PPFIA2: variants seen among roughly 807,000 people sequenced by gnomAD.
The protein encoded by PPFIA2 is liprin-alpha-2.
A neutral mutation model predicts 175.5 loss-of-function variants in PPFIA2; 46 were observed. The ratio of observed to expected loss-of-function variants is 0.26; its 90% CI spans 0.21 to 0.34. PPFIA2 has a LOEUF of 0.34. Among genes scored for constraint, PPFIA2 ranks in the 10% least tolerant of loss-of-function variants. PPFIA2 has a pLI of 1.00. For synonymous variants in PPFIA2, 568 were observed against 511.4 expected (o/e 1.11, Z -1.49); for missense variants, 1,179 against 1,506.1 (o/e 0.78, Z 3.60).
intron 7 of PPFIA2, among the ~76,000 whole-genome samples, chr12:81,437,791 A>G (rs1169731041): frequency 6.6e-6 from 1 of 152,128 alleles, no homozygotes; most frequent in Non-Finnish European, 1.5e-5. Flanking sequence ...TTTTTCTGAT[A>G]GTTCCAGGAA....
intron 4 of PPFIA2, among the ~76,000 whole-genome samples, chr12:81,530,648 T>G (rs1171165586): frequency 6.6e-6 from 1 of 151,662 alleles, no homozygotes; most frequent in African/African-American, 2.4e-5. Flanking sequence ...AATCTCTAGT[T>G]GAAAAGTCAG....
intron 24 of PPFIA2, among the ~76,000 whole-genome samples, chr12:81,291,727 TG>T (rs1480742221): frequency 6.6e-6 from 1 of 151,982 alleles, no homozygotes; most frequent in Non-Finnish European, 1.5e-5. Flanking sequence ...ACCCAGGCTT[TG>T]GGGGCTCAGC....
intron 24 of PPFIA2, chr12:81,292,748 G>A (rs2045385618): frequency 6.6e-6 from 1 of 151,948 alleles, no homozygotes; most frequent in Non-Finnish European, 1.5e-5. Context: ...TGTGTGGGGG[G>A]TCAGCACCCT....
intron 4 of PPFIA2, 30 bp downstream of exon 4, chr12:81,676,761 T>C (rs144542042): frequency 1.3e-6 from 2 of 1,493,596 alleles, no homozygotes; most frequent in Non-Finnish European, 1.8e-6. Context: ...AATTCATCAA[T>C]AGTTAAATTT....
chr12:81,292,281 TTAAA>T (rs1249518985), intron 24 of PPFIA2: 23 of 152,088 alleles, frequency 1.5e-4, no homozygotes, highest in Non-Finnish European at 8.8e-5. Flanking sequence ...TTCATCAGAC[TTAAA>T]TTAAATTTAC....
At chr12:81,714,890 A>G (rs912455199) in intron 3 of PPFIA2, among the ~76,000 whole-genome samples, 3 of 151,150 alleles carry the variant, frequency 2.0e-5, no homozygotes, top group African/African-American at 7.2e-5. Flanking sequence ...ATGAGGACAT[A>G]TATGTTAATG....
intron 3 of PPFIA2, among the ~76,000 whole-genome samples, chr12:81,698,048 G>A (rs972032114): frequency 1.3e-5 from 2 of 152,020 alleles, no homozygotes; most frequent in Non-Finnish European, 2.9e-5. Flanking sequence ...ATGTCACCAT[G>A]GATATAAGTA....
At chr12:81,266,312 TAC>T (rs761354029) in intron 30 of PPFIA2, among the ~76,000 whole-genome samples, 32 of 152,190 alleles carry the variant, frequency 2.1e-4, no homozygotes, top group Non-Finnish European at 1.3e-4. Context: ...TTAAAATGTC[TAC>T]AGTCCACAGC....
chr12:81,449,241 G>A (rs1018758475), intron 5 of PPFIA2, among the ~76,000 whole-genome samples: 4 of 152,126 alleles, frequency 2.6e-5, no homozygotes, highest in Non-Finnish European at 5.9e-5. Context: ...ACGGCCCAGT[G>A]GCAAGCTGCA....
intron 4 of PPFIA2, among the ~76,000 whole-genome samples, chr12:81,619,343 T>C (rs147501131): frequency 6.6e-6 from 1 of 152,202 alleles, no homozygotes; most frequent in Non-Finnish European, 1.5e-5. Context: ...CAAGTTGTCA[T>C]ACAACCCAGC....
chr12:81,386,320 T>TAAATAAGAA (rs1555340058), intron 8 of PPFIA2, among the ~76,000 whole-genome samples: 1 of 131,250 alleles, frequency 7.6e-6, no homozygotes, highest in African/African-American at 2.9e-5. Context: ...AATAAATAAA[T>TAAATAAGAA]AAGAAAAGAA....
chr12:81,463,619 A>T (rs1411318978), intron 4 of PPFIA2, among the ~76,000 whole-genome samples: 1 of 152,116 alleles, frequency 6.6e-6, no homozygotes, highest in African/African-American at 2.4e-5. Flanking sequence ...CCTCAGGCAC[A>T]TCACAAACAC....
At chr12:81,573,690 C>A (rs1465550282) in intron 4 of PPFIA2, among the ~76,000 whole-genome samples, 1 of 151,812 alleles carries the variant, frequency 6.6e-6, no homozygotes, top group African/African-American at 2.4e-5. Flanking sequence ...ATGTATACTC[C>A]CCCAAAGAGA....
intron 4 of PPFIA2, chr12:81,545,486 T>C (rs1159372245): frequency 6.4e-6 from 1 of 155,442 alleles, no homozygotes; most frequent in Non-Finnish European, 1.4e-5. Context: ...GTGCTGCTGA[T>C]ATACTGCTGC....
intron 22 of PPFIA2, among the ~76,000 whole-genome samples, chr12:81,324,722 T>G (rs1594818163): frequency 6.6e-6 from 1 of 152,074 alleles, no homozygotes; most frequent in East Asian, 1.9e-4. Context: ...ATATATATTA[T>G]TGATTATGGC....
chr12:81,433,075 T>A (rs1349920533), intron 7 of PPFIA2, among the ~76,000 whole-genome samples: 1 of 152,064 alleles, frequency 6.6e-6, no homozygotes, highest in African/African-American at 2.4e-5. Flanking sequence ...TGCTTTCTCA[T>A]TTCAGAAAGC....
chr12:81,480,875 G>A (rs535150561), intron 4 of PPFIA2, among the ~76,000 whole-genome samples: 29 of 152,214 alleles, frequency 1.9e-4, no homozygotes, highest in African/African-American at 6.7e-4. Context: ...ACATAGTATT[G>A]GAAGTTCTGG....
intron 22 of PPFIA2, among the ~76,000 whole-genome samples, chr12:81,316,816 A>C (rs1198375685): frequency 6.6e-6 from 1 of 151,622 alleles, no homozygotes; most frequent in Non-Finnish European, 1.5e-5. Context: ...GACCATTAAC[A>C]TTAAAAGTTA....
intron 3 of PPFIA2, among the ~76,000 whole-genome samples, chr12:81,731,734 G>C (rs1482971370): frequency 2.0e-5 from 3 of 151,622 alleles, no homozygotes; most frequent in Admixed American, 2.0e-4. Flanking sequence ...TTGCAAACTA[G>C]AGAAGGTGAG....
Sources: allele counts gnomAD v4.1 joint callset (sites outside exome capture counted in the v4.1 genomes callset), GRCh38; gene constraint gnomAD v4.1.1; transcripts MANE v1.5; gene names NCBI Gene and HGNC (gene_info 2026-07-23, HGNC 2026-07-21).